TIAM1: variants seen among roughly 807,000 people sequenced by gnomAD.
TIAM1 encodes the protein TIAM Rac1 associated GEF 1, also known as rho guanine nucleotide exchange factor TIAM1.
A neutral mutation model predicts 163.5 loss-of-function variants in TIAM1; 65 were observed. The observed-to-expected ratio is 0.40, with a 90% CI of 0.33 to 0.49. The LOEUF is 0.49. Ranked by LOEUF, TIAM1 falls within the 20% of genes least tolerant of loss-of-function variation. The pLI is 0.77. For synonymous variants in TIAM1, 833 were observed against 810.1 expected (o/e 1.03, Z -0.48); for missense variants, 1,789 against 2,044.7 (o/e 0.87, Z 2.41).
At chr21:31,213,581 G>T in intron 9 of TIAM1, 109 bp from the exon 10 acceptor site, 1 of 860,630 alleles carries the variant, frequency 1.2e-6, no homozygotes. Context: ...TTACACACGT[G>T]TTCAGATACT....
rs570620998 is a variant in TIAM1 at position 31,247,287 on chromosome 21, G to A, written c.1412-1627C>T. On this transcript the variant is annotated intron_variant, in intron 5 of 27. Coordinates refer to ENST00000541036, the MANE Select transcript of TIAM1 (RefSeq NM_001353694.2). ...GATCATGCCACTGCACTCCAGCCTG[G>A]GCAACAGAGCAAGACCCTGTCACAA... is the stretch of plus-strand genomic sequence containing the variant. Among the ~76,000 whole-genome samples the A allele has an allele frequency of 2.3e-4, 35 of 151,882 alleles. 1 individual carries two copies. The South Asian group carries it at 3.6e-3, about 15-fold the overall frequency.
chr21:31,155,823 T>C (rs2083598860), intron 16 of TIAM1, among the ~76,000 whole-genome samples: 1 of 152,176 alleles, frequency 6.6e-6, no homozygotes, highest in Admixed American at 6.5e-5. Context: ...TTGAAGCTAG[T>C]GGCTGTCCTT....
intron 2 of TIAM1, among the ~76,000 whole-genome samples, chr21:31,376,275 A>T (rs1259407630): frequency 9.2e-5 from 14 of 152,178 alleles, no homozygotes; most frequent in Non-Finnish European, 2.9e-5. Context: ...TCCCTGATAA[A>T]TGCATCTCAG....
intron 4 of TIAM1, among the ~76,000 whole-genome samples, chr21:31,262,785 G>C (rs2072549009): frequency 6.6e-6 from 1 of 152,100 alleles, no homozygotes; most frequent in Non-Finnish European, 1.5e-5. Flanking sequence ...ATGCTCTTGG[G>C]TCAAATGTCT....
At chr21:31,133,939 G>A (rs1484925474) in intron 23 of TIAM1, among the ~76,000 whole-genome samples, 2 of 151,966 alleles carry the variant, frequency 1.3e-5, no homozygotes, top group East Asian at 1.9e-4. Context: ...GTGGTGGTGC[G>A]TGCCTGTAGT....
intron 1 of TIAM1, among the ~76,000 whole-genome samples, chr21:31,502,748 A>G (rs545573447): frequency 3.0e-4 from 45 of 152,304 alleles, no homozygotes; most frequent in African/African-American, 1.1e-3. Flanking sequence ...TCCCTTTACA[A>G]TCAGATCCTA....
intron 2 of TIAM1, among the ~76,000 whole-genome samples, chr21:31,460,326 C>T (rs1378371025): frequency 2.0e-5 from 3 of 152,134 alleles, no homozygotes; most frequent in African/African-American, 7.2e-5. Flanking sequence ...TGCACCACTC[C>T]GGAAGTGCCA....
At chr21:31,519,033 G>A (rs1380272066) in intron 1 of TIAM1, among the ~76,000 whole-genome samples, 6 of 152,010 alleles carry the variant, frequency 3.9e-5, no homozygotes, top group Admixed American at 2.6e-4. Flanking sequence ...CGCCTTGGCC[G>A]GGCGCAGTGG....
intron 2 of TIAM1, among the ~76,000 whole-genome samples, chr21:31,366,378 T>C (rs1171899300): frequency 1.3e-5 from 2 of 152,148 alleles, no homozygotes; most frequent in African/African-American, 4.8e-5. Flanking sequence ...AAGAAACATA[T>C]CCATCCGTTA....
intron 2 of TIAM1, among the ~76,000 whole-genome samples, chr21:31,370,484 G>A (rs1247031899): frequency 6.6e-6 from 1 of 152,140 alleles, no homozygotes. Context: ...GTGTTTTTGT[G>A]TGTGCACGCG....
chr21:31,148,956 C>CTTTTTTTTTTTTTTTTTTTTTTT (rs869158026), intron 19 of TIAM1, among the ~76,000 whole-genome samples: 1 of 28,844 alleles, frequency 3.5e-5, no homozygotes, highest in African/African-American at 9.3e-5. Flanking sequence ...ACAAGTTTTT[C>CTTTTTTTTTTTTTTTTTTTTTTT]TTTTTCTTTT....
chr21:31,130,091 A>C, intron 25 of TIAM1, 122 bp downstream of exon 25: 1 of 721,120 alleles, frequency 1.4e-6, no homozygotes, highest in South Asian at 2.0e-5. Context: ...AGAGTTAAGC[A>C]TAGGGAAAAA....
In TIAM1 at chr21:31,223,474, C is replaced by T; in HGVS notation, c.1927G>A (p.Ala643Thr). Reference protein sequence around the residue: ...LPNPKRLLAFASRPTKVAMGR... With the variant: ...LPNPKRLLAFTSRPTKVAMGR... The stretch of plus-strand genomic sequence containing the variant: ...ATGGCCACTTTCGTTGGTCGACTTG[C>T]AAAAGCGAGAAGCCTTTTGGGGTTT... The change falls in exon 8 of 28, where the codon GCA becomes ACA. Residue 643 changes from alanine to threonine, a missense_variant. Physicochemically the swap from Ala to Thr is moderately conservative, Grantham distance 58 (BLOSUM62 0). Around this residue, in one of 5 missense-constraint regions of TIAM1, gnomAD observed 456 missense variants for 586.6 expected, o/e 0.78. Coordinates refer to ENST00000541036, the MANE Select transcript of TIAM1 (RefSeq NM_001353694.2). The T allele has an allele frequency of 1.2e-6, 2 of 1,613,986 alleles. No homozygotes were observed. The highest frequency in any genetic ancestry group is 1.7e-6 in the Non-Finnish European group (2 of 1,179,920).
intron 2 of TIAM1, among the ~76,000 whole-genome samples, chr21:31,376,321 T>A (rs1472982478): frequency 1.3e-5 from 2 of 151,980 alleles, no homozygotes; most frequent in African/African-American, 4.8e-5. Flanking sequence ...AGAACATGAT[T>A]CTCCCCAAAC....
chr21:31,182,667 T>C (rs552578054), intron 14 of TIAM1, 22 bp from the exon 15 acceptor site: 1 of 1,601,120 alleles, frequency 6.2e-7, no homozygotes, highest in South Asian at 1.1e-5. Context: ...AGATGGAAAA[T>C]TTTTAATTTC....
In TIAM1 at chr21:31,131,564, A is replaced by C. The variant is rs190628908; in HGVS notation, c.3884-616T>G. 3.8e-3 allele frequency among the ~76,000 whole-genome samples: 576 copies of C among 152,300 alleles called. 1 individual carries two copies. The highest frequency in any genetic ancestry group is 6.2e-3 in the Non-Finnish European group (422 of 68,024). On this transcript the variant is annotated intron_variant, in intron 23 of 27. Coordinates refer to ENST00000541036, the MANE Select transcript of TIAM1 (RefSeq NM_001353694.2). ...GGGAGATACAATGGAGTTATGCATAATCTTCCAGAGAATTTGTTAAGCAAT... is the reference window on the plus strand; with the variant it reads ...GGGAGATACAATGGAGTTATGCATACTCTTCCAGAGAATTTGTTAAGCAAT...
chr21:31,213,338 C>T (rs770388770), intron 10 of TIAM1, 60 bp downstream of exon 10: 1 of 1,433,190 alleles, frequency 7.0e-7, no homozygotes, highest in Non-Finnish European at 9.6e-7. Flanking sequence ...AACACTGCAC[C>T]ATGTATATGT....
chr21:31,431,156 T>C (rs1223636549), intron 2 of TIAM1, among the ~76,000 whole-genome samples: 9 of 152,194 alleles, frequency 5.9e-5, no homozygotes, highest in Non-Finnish European at 8.8e-5. Context: ...CAACCACTCA[T>C]CATCTAAGAC....
intron 1 of TIAM1, among the ~76,000 whole-genome samples, chr21:31,535,012 C>T (rs2048082246): frequency 6.6e-6 from 1 of 152,000 alleles, no homozygotes; most frequent in African/African-American, 2.4e-5. Context: ...ATCACCTGAA[C>T]CCAGGAGGTC....
Sources: allele counts gnomAD v4.1 joint callset (sites outside exome capture counted in the v4.1 genomes callset), GRCh38; gene constraint gnomAD v4.1.1; regional missense constraint gnomAD v4.1.1; transcripts MANE v1.5; gene names NCBI Gene and HGNC (gene_info 2026-07-23, HGNC 2026-07-21).